The following WWC2 variants were observed in gnomAD, a reference collection of about 807,000 sequenced individuals.
WWC2 encodes the protein protein WWC2.
A neutral mutation model predicts 138.5 loss-of-function variants in WWC2; 101 were observed. That is an observed-to-expected ratio of 0.73 (90% CI 0.62 to 0.86). The LOEUF (loss-of-function observed/expected upper bound fraction) is 0.86. Ranked by LOEUF, WWC2 falls within the 40% of genes least tolerant of loss-of-function variation. The pLI, the probability that WWC2 is intolerant of heterozygous loss-of-function variation, is 0.00. For synonymous variants in WWC2, 558 were observed against 538.4 expected, an observed-to-expected ratio of 1.04 and a Z score of -0.50; for missense variants, 1,420 against 1,419.4, an observed-to-expected ratio of 1.00 and a Z score of -0.01.
chr4:183,113,970 G>A (rs1352960411), intron 1 of WWC2, among the ~76,000 whole-genome samples: 3 of 152,088 alleles, frequency 2.0e-5, no homozygotes, highest in Non-Finnish European at 4.4e-5. Flanking sequence ...GTTACCATTA[G>A]GGAAAGACCG....
intron 21 of WWC2, among the ~76,000 whole-genome samples, chr4:183,304,372 T>C (rs1471912549): frequency 6.6e-6 from 1 of 152,008 alleles, no homozygotes; most frequent in Non-Finnish European, 1.5e-5. Context: ...TCATGAGAAG[T>C]CGGGGGCTCT....
At chr4:183,287,002 G>A (rs983106305) in intron 20 of WWC2, among the ~76,000 whole-genome samples, 5 of 152,128 alleles carry the variant, frequency 3.3e-5, no homozygotes, top group Admixed American at 6.5e-5. Context: ...AAAATGATAC[G>A]GGAGCAGGGA....
At chr4:183,311,533 G>C (rs1199112497) in intron 21 of WWC2, among the ~76,000 whole-genome samples, 4 of 150,482 alleles carry the variant, frequency 2.7e-5, no homozygotes, top group Non-Finnish European at 4.4e-5. Flanking sequence ...ACATGGGTGT[G>C]TTCAATTTGT....
chr4:183,187,308 C>T (rs1734836304), intron 1 of WWC2, among the ~76,000 whole-genome samples: 1 of 152,058 alleles, frequency 6.6e-6, no homozygotes, highest in African/African-American at 2.4e-5. Flanking sequence ...AATCTCAGCA[C>T]TTTGGGAGGC....
intron 8 of WWC2, among the ~76,000 whole-genome samples, chr4:183,250,473 G>T (rs4862152): frequency 6.6e-6 from 1 of 151,860 alleles, no homozygotes; most frequent in African/African-American, 2.4e-5. Flanking sequence ...AGTCGACTTA[G>T]GTTAGGGAAA....
chr4:183,166,228 T>A (rs1416826222), intron 1 of WWC2, among the ~76,000 whole-genome samples: 1 of 152,174 alleles, frequency 6.6e-6, no homozygotes, highest in East Asian at 1.9e-4. Context: ...CTTCCTTGAT[T>A]TCAGGGAAAT....
At chr4:183,160,044 G>C (rs1733917234) in intron 1 of WWC2, among the ~76,000 whole-genome samples, 1 of 152,134 alleles carries the variant, frequency 6.6e-6, no homozygotes, top group Non-Finnish European at 1.5e-5. Context: ...CAGTCCCCCA[G>C]CAACTTGATT....
chr4:183,099,616 G>A lies in WWC2; in HGVS notation c.125G>A (p.Arg42Gln). ...NTRRTSWIDP[R>Q]DRLTKPLSFA... is the part of the protein sequence containing the mutation. ...AGGAGGACCAGCTGGATCGACCCCC[G>A]GGACAGGTGGGCGCCGGCCGCGGGG... Residue 42 changes from arginine to glutamine, a missense_variant, in exon 1 of 23, where the codon CGG (arginine) becomes CAG (glutamine). By Grantham distance (43) the Arg-to-Gln change is conservative (BLOSUM62 1). Coordinates refer to ENST00000403733, the MANE Select transcript of WWC2 (RefSeq NM_024949.6). 1 of 1,355,594 alleles carries A rather than the reference G, an allele frequency of 7.4e-7. No homozygotes were observed. The highest frequency in any genetic ancestry group is 9.7e-7 in the Non-Finnish European group (1 of 1,036,210). 84.0% of individuals were successfully genotyped at this position (1,355,594 alleles called of 1,614,324 possible). A position where few individuals can be genotyped will look rare whatever the true frequency, so the allele number is the denominator to read the frequency against.
At chr4:183,201,279 GT>G (rs1553967332) in intron 2 of WWC2, among the ~76,000 whole-genome samples, 1 of 104,992 alleles carries the variant, frequency 9.5e-6, no homozygotes, top group East Asian at 2.9e-4. Flanking sequence ...CAGTTTGTTT[GT>G]TTTTTTTCAC....
chr4:183,292,807 A>C (rs941252055), intron 21 of WWC2, among the ~76,000 whole-genome samples: 1 of 152,232 alleles, frequency 6.6e-6, no homozygotes, highest in Non-Finnish European at 1.5e-5. Context: ...AGATTCTATC[A>C]AAAGGAAAAT....
At chr4:183,223,974 C>G (rs1451496044) in intron 4 of WWC2, among the ~76,000 whole-genome samples, 2 of 152,134 alleles carry the variant, frequency 1.3e-5, no homozygotes, top group Admixed American at 1.3e-4. Flanking sequence ...CAGGCTATCC[C>G]CCCCACCTCG....
At chr4:183,221,572 AATTAGAC>A (rs1440663367) in intron 4 of WWC2, among the ~76,000 whole-genome samples, 1 of 152,230 alleles carries the variant, frequency 6.6e-6, no homozygotes, top group Non-Finnish European at 1.5e-5. Context: ...AGTGGAATTA[AATTAGAC>A]ATCATAAACA....
At chr4:183,151,422 G>C (rs1426368566) in intron 1 of WWC2, among the ~76,000 whole-genome samples, 1 of 152,166 alleles carries the variant, frequency 6.6e-6, no homozygotes, top group South Asian at 2.1e-4. Context: ...TAAGTTCTTC[G>C]TAGATTCTGG....
At chr4:183,121,785 CTTTTT>C (rs528295307) in intron 1 of WWC2, among the ~76,000 whole-genome samples, 11 of 124,210 alleles carry the variant, frequency 8.9e-5, no homozygotes, top group African/African-American at 2.4e-4. Context: ...TGTTAAGAAG[CTTTTT>C]TTTTTTTTTT....
At chr4:183,168,777 A>G (rs1021594804) in intron 1 of WWC2, among the ~76,000 whole-genome samples, 1 of 152,238 alleles carries the variant, frequency 6.6e-6, no homozygotes, top group Non-Finnish European at 1.5e-5. Flanking sequence ...AGGGTTTCAA[A>G]TTATGGCATG....
At chr4:183,198,997 G>C (rs1735225735) in intron 2 of WWC2, among the ~76,000 whole-genome samples, 1 of 152,024 alleles carries the variant, frequency 6.6e-6, no homozygotes, top group East Asian at 1.9e-4. Flanking sequence ...GGAGAAGATG[G>C]GGAAACATGA....
chr4:183,195,707 A>G (rs1253895882), intron 2 of WWC2, among the ~76,000 whole-genome samples: 7 of 152,224 alleles, frequency 4.6e-5, no homozygotes, highest in African/African-American at 2.4e-5. Context: ...TCTCAAAACC[A>G]TCCTTCAACC....
chr4:183,196,955 T>G (rs764646504), intron 2 of WWC2, among the ~76,000 whole-genome samples: 4 of 152,192 alleles, frequency 2.6e-5, no homozygotes, highest in Admixed American at 6.5e-5. Flanking sequence ...ATTTATATTA[T>G]TTTTTGTATG....
intron 1 of WWC2, among the ~76,000 whole-genome samples, chr4:183,163,611 C>T (rs4582186): frequency 0.98 from 149,479 of 152,292 alleles, 73,411 homozygotes; most frequent in Middle Eastern, 1. Flanking sequence ...AATTAGGATA[C>T]GTCTCTATTT....
Sources: allele counts gnomAD v4.1 joint callset (sites outside exome capture counted in the v4.1 genomes callset), GRCh38; gene constraint gnomAD v4.1.1; transcripts MANE v1.5; gene names NCBI Gene and HGNC (gene_info 2026-07-23, HGNC 2026-07-21).